Variants in ITPR3 observed in about 807,000 individuals in gnomAD.
ITPR3 encodes inositol 1,4,5-trisphosphate receptor type 3, also known as inositol 1,4,5-trisphosphate-gated calcium channel ITPR3.
ITPR3 carries 173 observed loss-of-function variants against 293.2 expected under a neutral mutation model. The observed-to-expected ratio is 0.59, with a 90% CI of 0.52 to 0.67. The LOEUF (loss-of-function observed/expected upper bound fraction) is 0.67. Ranked by LOEUF, ITPR3 falls within the 30% of genes least tolerant of loss-of-function variation. ITPR3 has a pLI of 0.00. For synonymous variants in ITPR3, 1,295 were observed against 1,444.4 expected (o/e 0.90, Z 2.35); for missense variants, 2,796 against 3,592.1 (o/e 0.78, Z 5.66).
intron 2 of ITPR3, among the ~76,000 whole-genome samples, chr6:33,652,451 A>G (rs1764213381): frequency 6.6e-6 from 1 of 152,122 alleles, no homozygotes; most frequent in African/African-American, 2.4e-5. Flanking sequence ...TAATCTATCC[A>G]TATCCATATT....
Position 33,667,946 on chromosome 6 carries a change from G to T in ITPR3, c.1868G>T (p.Arg623Leu), listed in dbSNP as rs1438637665. 1.2e-6 allele frequency: 2 copies of T among 1,614,168 alleles called. No homozygotes were observed. The change falls in exon 16 of 58, where the codon CGC (arginine) becomes CTC (leucine). Residue 623 changes from arginine to leucine, a missense_variant. Arg to Leu is a moderately radical substitution (Grantham distance 102). Coordinates refer to ENST00000605930, the MANE Select transcript of ITPR3 (RefSeq NM_002224.4). The surrounding 1 kb of genome is among the most constrained non-coding windows in gnomAD (Gnocchi z 4.4). ...GTGGAGACCTTCGTCAGCCTTGTGC[G>T]CAAGAACCGGGAGCCCAGGTGGGCC... ...TEVETFVSLV[R>L]KNREPRFLDY...
At chr6:33,676,412 G>A (rs57088429) in intron 25 of ITPR3, among the ~76,000 whole-genome samples, 30,178 of 152,150 alleles carry the variant, frequency 0.2, 3,624 homozygotes, top group South Asian at 0.29. Flanking sequence ...TCAGACGCAG[G>A]CCTGGGTCTT....
intron 7 of ITPR3, among the ~76,000 whole-genome samples, chr6:33,660,394 G>A (rs903747677): frequency 5.9e-5 from 9 of 151,850 alleles, no homozygotes; most frequent in Non-Finnish European, 5.9e-5. Context: ...TCCTCCCCAC[G>A]CTGAGCTGCT....
In ITPR3 at chr6:33,690,044, A is replaced by C. The variant is rs1397570745; in HGVS notation, c.6878A>C (p.Lys2293Thr). 6.2e-7 allele frequency: 1 copy of C among 1,614,076 alleles called. No homozygotes were observed. The highest frequency in any genetic ancestry group is 8.5e-7 in the Non-Finnish European group (1 of 1,180,044). ...TGCACTCGCCCCCAGCTGACCAACA[A>C]GATCGTGTTTGTGGTGAGCTTCGTG... is the stretch of plus-strand genomic sequence containing the variant. ...NILGALNLTNKIVFVVSFVGN... is the reference protein window; with the variant it reads ...NILGALNLTNTIVFVVSFVGN... Residue 2293 changes from lysine to threonine, a missense_variant, in exon 51 of 58, where the codon AAG (lysine) becomes ACG (threonine). By Grantham distance (78) the Lys-to-Thr change is moderately conservative (BLOSUM62 -1). This residue lies in a region of ITPR3 where 568 missense variants were observed against 796.1 expected (regional missense o/e 0.71). Transcript: ENST00000605930.
At position 33,664,019 on chromosome 6, in the gene ITPR3, T is replaced by G; in HGVS notation, c.1148+139T>G. The G allele has an allele frequency of 9.6e-7, 1 of 1,036,724 alleles. No homozygotes were observed. The highest frequency in any genetic ancestry group is 1.4e-6 in the Non-Finnish European group (1 of 726,668). The allele number at this position is 1,036,724 out of a possible 1,614,324, so 64.2% of individuals were successfully genotyped here. ...CTGGGGTCTCTGTAGGTCCCATCCC[T>G]CTGGGGATCTAGCTCTGAGTCTGTC... is the stretch of plus-strand genomic sequence containing the variant. On this transcript the variant is annotated intron_variant, in intron 11 of 57. Coordinates refer to ENST00000605930, the MANE Select transcript of ITPR3 (RefSeq NM_002224.4). The surrounding 1 kb of genome is among the most constrained non-coding windows in gnomAD (Gnocchi z 4.4).
Position 33,638,146 on chromosome 6 carries a change from C to CA in ITPR3, c.90-2337dup, listed in dbSNP as rs1763868293. On this transcript the variant is annotated intron_variant, in intron 1 of 57. Coordinates refer to ENST00000605930, the MANE Select transcript of ITPR3 (RefSeq NM_002224.4). The surrounding 1 kb of genome is among the most constrained non-coding windows in gnomAD (Gnocchi z 4.3). The stretch of plus-strand genomic sequence containing the variant: ...TCAGCTTCCTGTGTAGCTGGGATTA[C>CA]AGGCGCGCACCGCCACGCCCAGCTA... Among the ~76,000 whole-genome samples the CA allele has an allele frequency of 6.6e-6, 1 of 152,138 alleles. No homozygotes were observed. Among genetic ancestry groups the CA allele is most frequent in the Non-Finnish European group, 1.5e-5 (1 of 68,034 alleles).
intron 32 of ITPR3, 30 bp from the exon 33 acceptor site, chr6:33,680,525 G>A (rs963476581): frequency 3.1e-6 from 5 of 1,611,200 alleles, no homozygotes; most frequent in Non-Finnish European, 3.4e-6. Context: ...CATGTGAGGA[G>A]CCCCCAGCCA....
rs1279718718 is a variant in ITPR3, at chr6:33,684,156, G to T, written c.4925G>T (p.Gly1642Val). Residue 1642 changes from glycine to valine, a missense_variant, in exon 36 of 58, where the codon GGC (glycine) becomes GTC (valine). Around this residue, in one of 8 missense-constraint regions of ITPR3, gnomAD observed 704 missense variants for 797.5 expected, o/e 0.88. Transcript: ENST00000605930. The surrounding 1 kb of genome is among the most constrained non-coding windows in gnomAD (Gnocchi z 4.2). ...GCCTACCAGCGCTGCGAGAGTGGGGGCTTCCTGTCCAAGTGAGCGAGACAC... is the reference window on the plus strand; with the variant it reads ...GCCTACCAGCGCTGCGAGAGTGGGGTCTTCCTGTCCAAGTGAGCGAGACAC... ...SEAYQRCESG[G>V]FLSKLIQHTK... 4 of 1,610,562 alleles carry T rather than the reference G, an allele frequency of 2.5e-6. No homozygotes were observed. The highest frequency in any genetic ancestry group is 8.5e-7 in the Non-Finnish European group (1 of 1,179,794).
In ITPR3 at chr6:33,624,326, G is replaced by T. The variant is rs1057322561; in HGVS notation, c.89+2635G>T. ...CACTGTACTGGGTGCTGGGGACTTGGTGGTGATTAAGGGAGCTGTGCTTCC... is the reference window on the plus strand; with the variant it reads ...CACTGTACTGGGTGCTGGGGACTTGTTGGTGATTAAGGGAGCTGTGCTTCC... On this transcript the variant is annotated intron_variant, in intron 1 of 57. Transcript: ENST00000605930. This position sits in a 1 kb window ranked among gnomAD's most constrained non-coding sequence, Gnocchi z 4.7. Among the ~76,000 whole-genome samples, 1 of 152,210 alleles carries T rather than the reference G, an allele frequency of 6.6e-6. No individual in the cohort carries two copies. The highest frequency in any genetic ancestry group is 1.5e-5 in the Non-Finnish European group (1 of 68,042).
Position 33,687,688 on chromosome 6 carries a change from G to A in ITPR3, c.6264+124G>A, listed in dbSNP as rs1256027752. The A allele has an allele frequency of 2.5e-6, 2 of 787,144 alleles. No individual in the cohort carries two copies. Among genetic ancestry groups the A allele is most frequent in the African/African-American group, 1.7e-5 (1 of 58,344 alleles). The allele number at this position is 787,144 out of a possible 1,614,324, so 48.8% of individuals were successfully genotyped here. A position where few individuals can be genotyped will look rare whatever the true frequency, so the allele number is the denominator to read the frequency against. On this transcript the variant is annotated intron_variant, in intron 46 of 57. Transcript: ENST00000605930. The surrounding 1 kb of genome is among the most constrained non-coding windows in gnomAD (Gnocchi z 5.3). ...ATATGAGCCAGGCTAGAATTTGGGG[G>A]TACAGCTCAGGGGGCTGATTGGGAC...
In ITPR3 at chr6:33,684,245, C is replaced by G; in HGVS notation, c.4937+77C>G. ...AGAGAAGGGCCCGGTGGGGACTAGA[C>G]AGGCTCACTGGGTCAGAGGGCCTGG... On this transcript the variant is annotated intron_variant, in intron 36 of 57. Coordinates refer to ENST00000605930, the MANE Select transcript of ITPR3 (RefSeq NM_002224.4). The surrounding 1 kb of genome is among the most constrained non-coding windows in gnomAD (Gnocchi z 4.2). The G allele has an allele frequency of 6.3e-7, 1 of 1,596,530 alleles. No individual in the cohort carries two copies. The highest frequency in any genetic ancestry group is 8.6e-7 in the Non-Finnish European group (1 of 1,169,194).
Position 33,633,313 on chromosome 6 carries a change from C to G in ITPR3, c.90-7171C>G, listed in dbSNP as rs1376689795. ...TTTCTGGGGCCCGTGGGTGGAGGGA[C>G]CTTGTGGGGAGGCGTTGGCGAGAGG... On this transcript the variant is annotated intron_variant, in intron 1 of 57. Transcript: ENST00000605930. This position sits in a 1 kb window ranked among gnomAD's most constrained non-coding sequence, Gnocchi z 5.2. Among the ~76,000 whole-genome samples the G allele has an allele frequency of 6.6e-6, 1 of 152,090 alleles. No individual in the cohort carries two copies. Among genetic ancestry groups the G allele is most frequent in the Admixed American group, 6.5e-5 (1 of 15,276 alleles).
rs12190817 is a variant in ITPR3, at chr6:33,633,087, A to C, written c.90-7397A>C. Among the ~76,000 whole-genome samples the C allele has an allele frequency of 0.19, 28,462 of 152,106 alleles. 3,573 individuals carry two copies. The highest frequency in any genetic ancestry group is 0.3 in the South Asian group (1,450 of 4,812). ...CTATAGAGTCGCGCGATGGAGGGGC[A>C]GTTTTTTTGTGATCTTGGCTGGGGT... On this transcript the variant is annotated intron_variant, in intron 1 of 57. Coordinates refer to ENST00000605930, the MANE Select transcript of ITPR3 (RefSeq NM_002224.4). The surrounding 1 kb of genome is among the most constrained non-coding windows in gnomAD (Gnocchi z 5.2).
At position 33,685,539 on chromosome 6, in the gene ITPR3, G is replaced by A. The variant is rs1295126532; in HGVS notation, c.5482+6G>A. ...AGTCGACCCCACCACCAAAGGTCAG[G>A]GGTCTGAGGCAGAGGCACGGCGTGA... On this transcript the variant is annotated splice_donor_region_variant and intron_variant, in intron 40 of 57. Transcript: ENST00000605930. The A allele has an allele frequency of 1.2e-6, 2 of 1,611,984 alleles. No individual in the cohort carries two copies. Among genetic ancestry groups the A allele is most frequent in the African/African-American group, 1.3e-5 (1 of 75,012 alleles).
chr6:33,656,382 C>T (rs1053379337), intron 3 of ITPR3, among the ~76,000 whole-genome samples: 1 of 152,186 alleles, frequency 6.6e-6, no homozygotes, highest in African/African-American at 2.4e-5. Context: ...TACAGCTGTC[C>T]ATGGAGTTCC....
chr6:33,634,250 G>C (rs1223914617), intron 1 of ITPR3, among the ~76,000 whole-genome samples: 1 of 152,072 alleles, frequency 6.6e-6, no homozygotes, highest in Non-Finnish European at 1.5e-5. Context: ...ACACACACCA[G>C]GTGGGGGCTG....
intron 1 of ITPR3, among the ~76,000 whole-genome samples, chr6:33,628,555 G>A (rs1263094074): frequency 6.6e-6 from 1 of 152,222 alleles, no homozygotes; most frequent in Non-Finnish European, 1.5e-5. Flanking sequence ...GAAATCGTGG[G>A]TGCAGAAATG....
chr6:33,694,065 G>A (rs187577258), intron 56 of ITPR3, among the ~76,000 whole-genome samples: 75 of 152,320 alleles, frequency 4.9e-4, no homozygotes, highest in Middle Eastern at 3.4e-3. Flanking sequence ...ATGCTGAGGA[G>A]GGGTGGAGTT....
intron 28 of ITPR3, 78 bp from the exon 29 acceptor site, chr6:33,678,343 G>T: frequency 6.4e-7 from 1 of 1,574,708 alleles, no homozygotes; most frequent in Non-Finnish European, 8.7e-7. Context: ...ACCCACCCCT[G>T]CTCCTGTCAG....
Sources: allele counts gnomAD v4.1 joint callset (sites outside exome capture counted in the v4.1 genomes callset), GRCh38; gene constraint gnomAD v4.1.1; regional missense constraint gnomAD v4.1.1; non-coding constraint Gnocchi (gnomAD v3.1); transcripts MANE v1.5; gene names NCBI Gene and HGNC (gene_info 2026-07-23, HGNC 2026-07-21).